Variants in LGSN observed in about 807,000 individuals in gnomAD.
LGSN encodes the protein lengsin, lens protein with glutamine synthetase domain.
Under a neutral mutation model 19.5 loss-of-function variants are expected in LGSN, and 21 were observed. The observed-to-expected ratio is 1.07, with a 90% CI of 0.76 to 1.55. The LOEUF (loss-of-function observed/expected upper bound fraction) is 1.55. Ranked by LOEUF, LGSN falls within the 40% of genes most tolerant of loss-of-function variation. The pLI, the probability that LGSN is intolerant of heterozygous loss-of-function variation, is 0.00. For synonymous variants in LGSN, 257 were observed against 215.6 expected, an observed-to-expected ratio of 1.19 and a Z score of -1.68; for missense variants, 673 against 608.5, an observed-to-expected ratio of 1.11 and a Z score of -1.12.
chr6:63,440,081 T>A, the LGSN span, among the ~76,000 whole-genome samples: 2 of 152,198 alleles, frequency 1.3e-5, no homozygotes, highest in African/African-American at 4.8e-5. Flanking sequence ...GTCTTCTAAG[T>A]CCTCATGGAG....
At chr6:63,329,501 C>A in the LGSN span, among the ~76,000 whole-genome samples, 2 of 152,216 alleles carry the variant, frequency 1.3e-5, no homozygotes, top group Non-Finnish European at 2.9e-5. Flanking sequence ...GCAGGGACTG[C>A]TGCATTTCCT....
the LGSN span, among the ~76,000 whole-genome samples, chr6:63,514,214 C>T: frequency 6.6e-6 from 1 of 152,010 alleles, no homozygotes; most frequent in African/African-American, 2.4e-5. Flanking sequence ...GATCACTGTT[C>T]CCTTTGGCTT....
At chr6:63,425,997 C>A in the LGSN span, among the ~76,000 whole-genome samples, 15 of 152,042 alleles carry the variant, frequency 9.9e-5, no homozygotes, top group East Asian at 2.5e-3. Flanking sequence ...TTATTCCTTA[C>A]AACTGCAGGT....
At chr6:63,545,848 T>C in the LGSN span, among the ~76,000 whole-genome samples, 1 of 152,000 alleles carries the variant, frequency 6.6e-6, no homozygotes, top group Non-Finnish European at 1.5e-5. Flanking sequence ...ATGAGAAACC[T>C]GGTTCTAAGA....
At chr6:63,295,500 A>G (rs1461966211) in intron 1 of LGSN, among the ~76,000 whole-genome samples, 1 of 152,176 alleles carries the variant, frequency 6.6e-6, no homozygotes, top group Non-Finnish European at 1.5e-5. Flanking sequence ...TCCTTATGAA[A>G]AAGGAAAAAA....
the LGSN span, among the ~76,000 whole-genome samples, chr6:63,474,841 T>C: frequency 6.7e-6 from 1 of 150,056 alleles, no homozygotes; most frequent in Non-Finnish European, 1.5e-5. Context: ...GAGAATTGCT[T>C]GAACCTGGGA....
chr6:63,342,861 C>A, the LGSN span, among the ~76,000 whole-genome samples: 2 of 152,204 alleles, frequency 1.3e-5, no homozygotes, highest in African/African-American at 4.8e-5. Flanking sequence ...AATCCTTATT[C>A]ACCAATCATG....
At chr6:63,557,400 T>C in the LGSN span, among the ~76,000 whole-genome samples, 2 of 152,060 alleles carry the variant, frequency 1.3e-5, no homozygotes, top group African/African-American at 2.4e-5. Flanking sequence ...ACCCTGTCTC[T>C]ACTAAAAATA....
At chr6:63,549,559 A>C in the LGSN span, 1 of 608,556 alleles carries the variant, frequency 1.6e-6, no homozygotes, top group Non-Finnish European at 2.9e-6. Context: ...TGTTGACAAG[A>C]TTTGAAGTTT....
At chr6:63,464,601 TGAA>T in the LGSN span, among the ~76,000 whole-genome samples, 1 of 150,868 alleles carries the variant, frequency 6.6e-6, no homozygotes, top group South Asian at 2.1e-4. Flanking sequence ...TTAGAAGTAA[TGAA>T]GAGAAATTAA....
chr6:63,423,372 G>A, the LGSN span, among the ~76,000 whole-genome samples: 11 of 152,162 alleles, frequency 7.2e-5, no homozygotes, highest in Admixed American at 7.2e-4. Flanking sequence ...TGGGCAAAGT[G>A]GCTCATGCCT....
the LGSN span, among the ~76,000 whole-genome samples, chr6:63,558,919 C>T: frequency 1.3e-5 from 2 of 152,278 alleles, no homozygotes; most frequent in Admixed American, 1.3e-4. Flanking sequence ...TTAGATAATG[C>T]TCCTAAAGTG....
At chr6:63,480,712 C>T in the LGSN span, 1 of 151,278 alleles carries the variant, frequency 6.6e-6, no homozygotes, top group African/African-American at 2.4e-5. Flanking sequence ...TAAGTACAAC[C>T]TCTATGGAAA....
the LGSN span, among the ~76,000 whole-genome samples, chr6:63,379,609 G>T: frequency 3.9e-5 from 6 of 152,130 alleles, no homozygotes; most frequent in Non-Finnish European, 7.4e-5. Flanking sequence ...ACTACAGCAG[G>T]TCCTCTTTAG....
chr6:63,348,895 G>A, the LGSN span, among the ~76,000 whole-genome samples: 3 of 151,962 alleles, frequency 2.0e-5, no homozygotes, highest in African/African-American at 7.2e-5. Context: ...CTGGCCAGAA[G>A]TATAGATTTT....
the LGSN span, among the ~76,000 whole-genome samples, chr6:63,505,565 A>AAAAAGAAAGAGAAAGAAAGAAAG: frequency 5.1e-5 from 3 of 58,648 alleles, no homozygotes; most frequent in Admixed American, 2.1e-4. Flanking sequence ...AAAAAAAAAA[A>AAAAAGAAAGAGAAAGAAAGAAAG]AAAGAAAGAA....
At chr6:63,562,257 T>A in the LGSN span, among the ~76,000 whole-genome samples, 2 of 151,078 alleles carry the variant, frequency 1.3e-5, no homozygotes, top group Admixed American at 1.3e-4. Flanking sequence ...TGGAGTGCAA[T>A]GGTGCGGTCT....
intron 2 of LGSN, among the ~76,000 whole-genome samples, chr6:63,292,910 G>A (rs1173400522): frequency 6.6e-6 from 1 of 152,158 alleles, no homozygotes; most frequent in African/African-American, 2.4e-5. Flanking sequence ...AGAAATGAGG[G>A]TAATGTGGTA....
chr6:63,294,769 C>T, intron 2 of LGSN, 144 bp downstream of exon 2: 2 of 747,632 alleles, frequency 2.7e-6, no homozygotes, highest in South Asian at 3.5e-5. Flanking sequence ...TATTTGCCAT[C>T]TTTTATGACA....
Sources: gnomAD v4.1 joint callset for allele counts (sites outside exome capture counted in the v4.1 genomes callset) on GRCh38, gnomAD v4.1.1 for gene constraint, MANE v1.5 for transcripts, NCBI Gene and HGNC (gene_info 2026-07-23, HGNC 2026-07-21) for gene names.